PCLAF: variants seen among roughly 807,000 people sequenced by gnomAD.
PCLAF encodes PCNA-associated factor.
PCLAF carries 12 observed loss-of-function variants against 15.1 expected under a neutral mutation model. That is an observed-to-expected ratio of 0.79 (90% CI 0.51 to 1.29). The LOEUF is 1.29. Ranked by LOEUF, PCLAF falls within the 50% of genes most tolerant of loss-of-function variation. The pLI is 0.00. For missense variants in PCLAF, 116 were observed against 130.9 expected, an observed-to-expected ratio of 0.89 and a Z score of 0.56; for synonymous variants, 33 against 47.1, an observed-to-expected ratio of 0.70 and a Z score of 1.22.
chr15:64,379,622 A>C (rs12904115), intron 2 of PCLAF, among the ~76,000 whole-genome samples: 149,809 of 152,292 alleles, frequency 0.98, 73,725 homozygotes, highest in East Asian at 1. Flanking sequence ...TGAAATGTTT[A>C]TAATAGGGAG....
At chr15:64,382,860 C>T, upstream of PCLAF, 1 of 271,518 alleles carries the variant, frequency 3.7e-6, no homozygotes, top group Admixed American at 4.6e-5. Context: ...GGAGTGGCGG[C>T]ATGTGCCTGT....
rs1898960693 is a variant in PCLAF at position 64,364,676 on chromosome 15, T to A, written c.*1354A>T. The A allele has an allele frequency of 6.6e-6, 1 of 150,634 alleles. No homozygotes were observed. The highest frequency in any genetic ancestry group is 2.1e-4 in the South Asian group (1 of 4,758). The allele number at this position is 150,634 out of a possible 1,614,324, so 9.3% of individuals were successfully genotyped here. The stretch of plus-strand genomic sequence containing the variant: ...TTATTGTTCATATATAAATATATAT[T>A]TTTTTCTTTTCTTTCTTTTTTTTTT... On this transcript the variant is annotated 3_prime_UTR_variant, in exon 4 of 4. Transcript: ENST00000300035.
Position 64,387,293 on chromosome 15 carries a change from A to G in PCLAF, n.241+154T>C, listed in dbSNP as rs1018355712. On this transcript the variant is annotated intron_variant and non_coding_transcript_variant, in intron 1 of 1. Coordinates refer to the PCLAF transcript ENST00000558250. ...GCTACTTGGGAGGCTGAGGCAGGAG[A>G]ATGGCATGAACCCGGGAGGCGGAGC... 5.3e-5 allele frequency among the ~76,000 whole-genome samples: 8 copies of G among 152,116 alleles called. No homozygotes were observed. The South Asian group carries it at 6.2e-4, about 12-fold the overall frequency.
At chr15:64,386,619 A>AGTGTGTGTGT (rs35727456) in intron 1 of PCLAF, among the ~76,000 whole-genome samples, 3 of 146,314 alleles carry the variant, frequency 2.1e-5, no homozygotes, top group African/African-American at 5.0e-5. Flanking sequence ...CACCACGCCC[A>AGTGTGTGTGT]GTGTGTGTGT....
At chr15:64,377,663 A>G (rs1194094933) in intron 2 of PCLAF, among the ~76,000 whole-genome samples, 1 of 146,766 alleles carries the variant, frequency 6.8e-6, no homozygotes, top group Non-Finnish European at 1.5e-5. Context: ...ATAAGAGGCA[A>G]TGTGAAAGTC....
At chr15:64,366,876 G>A (rs1899055751) in intron 3 of PCLAF, among the ~76,000 whole-genome samples, 1 of 152,102 alleles carries the variant, frequency 6.6e-6, no homozygotes, top group African/African-American at 2.4e-5. Flanking sequence ...GGGAGGCTAA[G>A]GCAGGAGAAT....
At position 64,376,871 on chromosome 15, in the gene PCLAF, G is replaced by A. The variant is rs774762712; in HGVS notation, c.162C>T (p.Cys54=). 39 of 1,613,688 alleles carry A rather than the reference G, an allele frequency of 2.4e-5. No homozygotes were observed. The South Asian group carries it at 2.6e-4, about 11-fold the overall frequency. The change falls in exon 3 of 4, where the codon TGC becomes TGT. Residue 54 remains cysteine (C), a synonymous_variant. Transcript: ENST00000300035. Reference sequence around the variant, plus strand: ...TTTGCCACTTGGGAGTTGGGCGCACGCAAACGGGGTTCCCTCCTGCATATT... The same window carrying A: ...TTTGCCACTTGGGAGTTGGGCGCACACAAACGGGGTTCCCTCCTGCATATT... ...ENKYAGGNPV[C]VRPTPKWQKG...
upstream of PCLAF, among the ~76,000 whole-genome samples, chr15:64,384,616 C>A (rs1899897256): frequency 6.6e-6 from 1 of 151,248 alleles, no homozygotes. Context: ...ATGGCTGGTG[C>A]CTGTAATCCC....
chr15:64,378,115 A>G (rs983622943), intron 2 of PCLAF, among the ~76,000 whole-genome samples: 3 of 152,062 alleles, frequency 2.0e-5, no homozygotes, highest in Non-Finnish European at 4.4e-5. Flanking sequence ...TACTTTTAGT[A>G]GAGACAGGGT....
chr15:64,384,325 G>T (rs1048950791), upstream of PCLAF, among the ~76,000 whole-genome samples: 1 of 151,896 alleles, frequency 6.6e-6, no homozygotes, highest in African/African-American at 2.4e-5. Context: ...GTAGAGACAG[G>T]GTTTTACCAT....
intron 3 of PCLAF, among the ~76,000 whole-genome samples, chr15:64,376,292 C>T (rs1407760559): frequency 2.0e-5 from 3 of 151,908 alleles, no homozygotes; most frequent in Non-Finnish European, 4.4e-5. Flanking sequence ...TTTTTAAAAA[C>T]TTTTTTTGCA....
At chr15:64,382,950 C>T (rs994882514), upstream of PCLAF, 1 of 168,090 alleles carries the variant, frequency 5.9e-6, no homozygotes, top group Non-Finnish European at 1.3e-5. Flanking sequence ...CGAGATCACG[C>T]TACTGCACTC....
At chr15:64,375,410 C>T (rs1378763443) in intron 3 of PCLAF, among the ~76,000 whole-genome samples, 4 of 152,034 alleles carry the variant, frequency 2.6e-5, no homozygotes, top group African/African-American at 9.7e-5. Flanking sequence ...AGGTGAGCCA[C>T]TGTGCCAGGC....
intron 3 of PCLAF, among the ~76,000 whole-genome samples, chr15:64,368,220 C>T (rs1184869308): frequency 2.0e-5 from 3 of 152,022 alleles, no homozygotes; most frequent in Non-Finnish European, 2.9e-5. Flanking sequence ...TGACGCGTGC[C>T]TGTAATCCCA....
chr15:64,387,673 A>C, exon 1 of PCLAF: 2 of 1,409,124 alleles, frequency 1.4e-6, no homozygotes, highest in South Asian at 1.5e-5. Context: ...CGGAGGGCAC[A>C]AGGAAGTAGA....
chr15:64,371,272 T>C (rs1899302826), intron 3 of PCLAF, among the ~76,000 whole-genome samples: 1 of 151,490 alleles, frequency 6.6e-6, no homozygotes, highest in Admixed American at 6.6e-5. Flanking sequence ...TTGGCTTTTT[T>C]TTTTTTGAGA....
intron 1 of PCLAF, 115 bp from the exon 2 acceptor site, chr15:64,381,153 C>T: frequency 1.7e-6 from 2 of 1,203,264 alleles, no homozygotes; most frequent in Non-Finnish European, 1.2e-6. Flanking sequence ...GCAGGATAAC[C>T]TTACCCTGCC....
chr15:64,374,383 A>G (rs1899501866), intron 3 of PCLAF, among the ~76,000 whole-genome samples: 1 of 151,930 alleles, frequency 6.6e-6, no homozygotes, highest in Admixed American at 6.6e-5. Context: ...CTAAAAATAC[A>G]ACAAAATTAG....
rs1351531424 is a variant in PCLAF, at chr15:64,365,319, T to A, written c.*711A>T. 6.6e-6 allele frequency: 1 copy of A among 152,488 alleles called. No individual in the cohort carries two copies. Among genetic ancestry groups the A allele is most frequent in the African/African-American group, 2.4e-5 (1 of 41,446 alleles). The allele number at this position is 152,488 out of a possible 1,614,324, so 9.4% of individuals were successfully genotyped here. ...ACCCGGCTAAAAATTGTTTTAGAGA[T>A]AGGGTTTACGCTATGTTGCCTGGGC... On this transcript the variant is annotated 3_prime_UTR_variant, in exon 4 of 4. Coordinates refer to ENST00000300035, the MANE Select transcript of PCLAF (RefSeq NM_014736.6).
Sources: allele counts gnomAD v4.1 joint callset (sites outside exome capture counted in the v4.1 genomes callset), GRCh38; gene constraint gnomAD v4.1.1; transcripts MANE v1.5; gene names NCBI Gene and HGNC (gene_info 2026-07-23, HGNC 2026-07-21).